Variants in AGBL1 observed in about 807,000 individuals in gnomAD.
AGBL1 encodes cytosolic carboxypeptidase 4.
In AGBL1, 130 loss-of-function variants were observed where a neutral mutation model predicts 118.9. The ratio of observed to expected loss-of-function variants is 1.09; its 90% confidence interval spans 0.95 to 1.26. The LOEUF (loss-of-function observed/expected upper bound fraction) is 1.26, where lower values mean the gene tolerates loss of function less well. AGBL1 is among the 50% of genes most tolerant of loss of function. AGBL1 has a pLI of 0.00. For synonymous variants in AGBL1, 555 were observed against 478.9 expected (o/e 1.16, Z -2.08); for missense variants, 1,584 against 1,298.1 (o/e 1.22, Z -3.38).
intron 22 of AGBL1, among the ~76,000 whole-genome samples, chr15:86,790,222 C>G (rs1244876553): frequency 6.6e-6 from 1 of 151,980 alleles, no homozygotes; most frequent in Non-Finnish European, 1.5e-5. Context: ...AAAAGACATT[C>G]TAGATGTTAT....
At chr15:86,805,216 A>G (rs1016194343) in intron 22 of AGBL1, among the ~76,000 whole-genome samples, 1 of 152,026 alleles carries the variant, frequency 6.6e-6, no homozygotes, top group Non-Finnish European at 1.5e-5. Flanking sequence ...CTATTGCTCA[A>G]AATAAATTTT....
chr15:86,485,391 A>G (rs1205980918), intron 18 of AGBL1, among the ~76,000 whole-genome samples: 1 of 76,950 alleles, frequency 1.3e-5, no homozygotes, highest in South Asian at 3.2e-4. Context: ...ATGAACAACT[A>G]TACTTATTTT....
intron 6 of AGBL1, among the ~76,000 whole-genome samples, chr15:86,241,204 A>G (rs2078636365): frequency 6.6e-6 from 1 of 152,160 alleles, no homozygotes; most frequent in Non-Finnish European, 1.5e-5. Flanking sequence ...ATTGAAGAAA[A>G]TGGTTATAAA....
At chr15:86,142,970 G>C (rs534583823) in intron 2 of AGBL1, among the ~76,000 whole-genome samples, 90 of 152,326 alleles carry the variant, frequency 5.9e-4, no homozygotes, top group African/African-American at 2.1e-3. Context: ...GTACCACCCT[G>C]TTGGCCACCT....
At chr15:86,818,008 G>A (rs2078889569) in intron 22 of AGBL1, among the ~76,000 whole-genome samples, 2 of 152,052 alleles carry the variant, frequency 1.3e-5, no homozygotes, top group Non-Finnish European at 1.5e-5. Context: ...CATCAAAGAG[G>A]CAAGGAAGGA....
chr15:86,159,598 T>C (rs1256456585), intron 5 of AGBL1, among the ~76,000 whole-genome samples: 1 of 151,994 alleles, frequency 6.6e-6, no homozygotes, highest in Non-Finnish European at 1.5e-5. Flanking sequence ...CTCTGCTTGC[T>C]GGAGTGGAGT....
intron 16 of AGBL1, among the ~76,000 whole-genome samples, chr15:86,280,197 A>G (rs968301254): frequency 6.6e-6 from 1 of 152,216 alleles, no homozygotes; most frequent in African/African-American, 2.4e-5. Flanking sequence ...GAAAGCAGGA[A>G]GGTAGATCTT....
chr15:86,843,096 A>G (rs2079268418), intron 22 of AGBL1, among the ~76,000 whole-genome samples: 1 of 152,206 alleles, frequency 6.6e-6, no homozygotes, highest in African/African-American at 2.4e-5. Context: ...CTCACTCAAA[A>G]CTACAGATGG....
At chr15:86,251,258 C>T (rs2078811203) in intron 7 of AGBL1, among the ~76,000 whole-genome samples, 1 of 152,198 alleles carries the variant, frequency 6.6e-6, no homozygotes, top group African/African-American at 2.4e-5. Flanking sequence ...CTGGTAGTCT[C>T]ACCTGAGAGC....
chr15:86,810,018 A>C (rs1306776142), intron 22 of AGBL1, among the ~76,000 whole-genome samples: 1 of 152,200 alleles, frequency 6.6e-6, no homozygotes, highest in East Asian at 1.9e-4. Flanking sequence ...TCTCATTAAA[A>C]CATCACATTA....
chr15:86,745,393 C>T (rs1056606837), intron 22 of AGBL1, among the ~76,000 whole-genome samples: 16 of 151,934 alleles, frequency 1.1e-4, no homozygotes, highest in Non-Finnish European at 1.0e-4. Flanking sequence ...TATTGAGGGC[C>T]GTCTGACCCC....
intron 5 of AGBL1, among the ~76,000 whole-genome samples, chr15:86,167,881 T>C (rs1454000980): frequency 6.6e-6 from 1 of 152,242 alleles, no homozygotes; most frequent in African/African-American, 2.4e-5. Flanking sequence ...TAGCTCTCTA[T>C]GTGATCATTA....
intron 18 of AGBL1, among the ~76,000 whole-genome samples, chr15:86,447,077 T>C (rs2082129589): frequency 6.6e-6 from 1 of 152,194 alleles, no homozygotes. Flanking sequence ...TTTTTGTTTA[T>C]CTGGTGATTC....
At chr15:86,825,155 G>C (rs969231063) in intron 22 of AGBL1, among the ~76,000 whole-genome samples, 7 of 151,886 alleles carry the variant, frequency 4.6e-5, no homozygotes, top group Non-Finnish European at 8.8e-5. Flanking sequence ...AGCAGTTGAA[G>C]GGAGGAAATC....
At chr15:86,477,636 C>T (rs962444942) in intron 18 of AGBL1, among the ~76,000 whole-genome samples, 3 of 152,148 alleles carry the variant, frequency 2.0e-5, no homozygotes, top group African/African-American at 7.2e-5. Flanking sequence ...TATTCACAGC[C>T]AAATTCTACC....
At chr15:86,420,756 A>C (rs1193245715) in intron 18 of AGBL1, among the ~76,000 whole-genome samples, 1 of 152,228 alleles carries the variant, frequency 6.6e-6, no homozygotes, top group Non-Finnish European at 1.5e-5. Flanking sequence ...ACTTTAGAGA[A>C]GAATATAAAT....
chr15:86,789,386 C>A (rs549355954), intron 22 of AGBL1, among the ~76,000 whole-genome samples: 4 of 152,206 alleles, frequency 2.6e-5, no homozygotes, highest in Admixed American at 6.5e-5. Context: ...AAATTCCCAT[C>A]ACCGCAGCTT....
intron 18 of AGBL1, among the ~76,000 whole-genome samples, chr15:86,498,911 A>G (rs1028754390): frequency 6.6e-6 from 1 of 151,934 alleles, no homozygotes; most frequent in Non-Finnish European, 1.5e-5. Context: ...CTCCTAAGGA[A>G]TATGACCATG....
chr15:86,899,608 C>T (rs1049021547), intron 22 of AGBL1, among the ~76,000 whole-genome samples: 1 of 151,932 alleles, frequency 6.6e-6, no homozygotes, highest in African/African-American at 2.4e-5. Flanking sequence ...TTTGATAATA[C>T]TTATATATAT....
Sources: gnomAD v4.1 joint callset for allele counts (sites outside exome capture counted in the v4.1 genomes callset) on GRCh38, gnomAD v4.1.1 for gene constraint, MANE v1.5 for transcripts, NCBI Gene and HGNC (gene_info 2026-07-23, HGNC 2026-07-21) for gene names.